The following NPAS3 variants were observed in gnomAD, a reference collection of about 807,000 sequenced individuals.
NPAS3 encodes the protein neuronal PAS domain protein 3, also known as neuronal PAS domain-containing protein 3.
Under a neutral mutation model 73.1 loss-of-function variants are expected in NPAS3, and 14 were observed. That is an observed-to-expected ratio of 0.19 (90% CI 0.13 to 0.30). The LOEUF (loss-of-function observed/expected upper bound fraction) is 0.30. Among genes scored for constraint, NPAS3 ranks in the 10% least tolerant of loss-of-function variants. The probability of loss-of-function intolerance (pLI) is 1.00; values close to 1 mark genes in which losing one functional copy is unlikely to be tolerated. For missense variants in NPAS3, 1,096 were observed against 1,250.0 expected (o/e 0.88, Z 1.86); for synonymous variants, 620 against 541.5 (o/e 1.14, Z -2.01).
chr14:33,648,728 G>GATGT (rs2058905983), intron 5 of NPAS3, among the ~76,000 whole-genome samples: 1 of 152,160 alleles, frequency 6.6e-6, no homozygotes, highest in Non-Finnish European at 1.5e-5. Context: ...CCCTGGGTAT[G>GATGT]GGAAGACAGC....
chr14:33,274,752 A>C (rs2041250865), intron 3 of NPAS3, among the ~76,000 whole-genome samples: 2 of 152,178 alleles, frequency 1.3e-5, no homozygotes. Context: ...TTTAGAGTTT[A>C]GGCAGGCTCT....
At chr14:33,430,653 A>T (rs557943100) in intron 4 of NPAS3, among the ~76,000 whole-genome samples, 2 of 152,342 alleles carry the variant, frequency 1.3e-5, no homozygotes, top group African/African-American at 4.8e-5. Flanking sequence ...CAGGCAACAG[A>T]ACTGGCATCA....
At chr14:33,334,814 T>C (rs1251500522) in intron 3 of NPAS3, among the ~76,000 whole-genome samples, 1 of 152,176 alleles carries the variant, frequency 6.6e-6, no homozygotes, top group Non-Finnish European at 1.5e-5. Context: ...AGTGTAGTAT[T>C]TTATCCCTCG....
chr14:33,777,766 G>A (rs1420742379), intron 8 of NPAS3, among the ~76,000 whole-genome samples: 1 of 152,132 alleles, frequency 6.6e-6, no homozygotes, highest in African/African-American at 2.4e-5. Flanking sequence ...ATCGACGTCT[G>A]GACAGTCAGT....
chr14:33,224,786 A>C (rs7158134), intron 3 of NPAS3, among the ~76,000 whole-genome samples: 19,912 of 152,152 alleles, frequency 0.13, 1,574 homozygotes, highest in East Asian at 0.3. Flanking sequence ...ACATTTTATC[A>C]TGTTATGATT....
In NPAS3 at chr14:32,978,348, A is replaced by C. The variant is rs562062072; in HGVS notation, c.50+38982A>C. Among the ~76,000 whole-genome samples the C allele has an allele frequency of 1.5e-3, 229 of 152,316 alleles. 1 individual carries two copies. The highest frequency in any genetic ancestry group is 5.4e-3 in the South Asian group (26 of 4,828). ...CCTACCCCAAAGGAGAAGCCCAAAC[A>C]CAACTGGGAGAAGGGCCATCCACAT... On this transcript the variant is annotated intron_variant, in intron 1 of 11. Coordinates refer to ENST00000356141, the Ensembl canonical transcript of NPAS3.
chr14:33,598,738 A>G (rs17101601), intron 5 of NPAS3, among the ~76,000 whole-genome samples: 3,023 of 152,280 alleles, frequency 0.02, 109 homozygotes, highest in African/African-American at 0.07. Context: ...TGATGACTTC[A>G]CAGATTACAT....
rs373160885 is a variant in NPAS3, at chr14:33,193,328, A to G, written c.141-21854A>G. Among the ~76,000 whole-genome samples the G allele has an allele frequency of 2.8e-4, 43 of 152,168 alleles. No individual in the cohort carries two copies. The East Asian group carries it at 3.7e-3, about 13-fold the overall frequency. ...AGTCAAGAATGCTTTCTGAGTGCCC[A>G]CTTCGGGAAATCCCAGCCATAGGGG... On this transcript the variant is annotated intron_variant, in intron 2 of 11. Transcript: ENST00000356141.
At chr14:33,436,834 A>G (rs1159848383) in intron 4 of NPAS3, among the ~76,000 whole-genome samples, 2 of 152,238 alleles carry the variant, frequency 1.3e-5, no homozygotes, top group African/African-American at 4.8e-5. Flanking sequence ...GCAACTAGTT[A>G]GAAATCTGAG....
At chr14:33,497,155 C>G (rs1029788265) in intron 4 of NPAS3, among the ~76,000 whole-genome samples, 1 of 152,084 alleles carries the variant, frequency 6.6e-6, no homozygotes, top group Admixed American at 6.6e-5. Context: ...TGTGAAGGAC[C>G]TCTTCAAGGA....
chr14:33,227,573 T>A (rs2047682073), intron 3 of NPAS3, among the ~76,000 whole-genome samples: 1 of 152,148 alleles, frequency 6.6e-6, no homozygotes, highest in African/African-American at 2.4e-5. Context: ...CACATAGCCA[T>A]TTTCTTGTCA....
intron 2 of NPAS3, among the ~76,000 whole-genome samples, chr14:33,073,891 T>C (rs771887069): frequency 6.6e-6 from 1 of 152,208 alleles, no homozygotes; most frequent in Non-Finnish European, 1.5e-5. Context: ...ACTATATAAA[T>C]TTTTTATCTG....
chr14:33,605,655 T>C (rs2057536497), intron 5 of NPAS3, among the ~76,000 whole-genome samples: 1 of 152,100 alleles, frequency 6.6e-6, no homozygotes, highest in African/African-American at 2.4e-5. Context: ...CTTCAACACT[T>C]AAGGACAAAT....
At position 33,122,376 on chromosome 14, in the gene NPAS3, T is replaced by C. The variant is rs573385879; in HGVS notation, c.140+66382T>C. Among the ~76,000 whole-genome samples the C allele has an allele frequency of 4.4e-4, 67 of 152,294 alleles. 1 individual carries two copies. The highest frequency in any genetic ancestry group is 3.2e-4 in the Non-Finnish European group (22 of 68,022). On this transcript the variant is annotated intron_variant, in intron 2 of 11. Coordinates refer to ENST00000356141, the Ensembl canonical transcript of NPAS3. The stretch of plus-strand genomic sequence containing the variant: ...AAGAGGGAAACTTTAGATGGACTTA[T>C]CAAATCTAATTTGAATAACTAGCAA...
intron 1 of NPAS3, among the ~76,000 whole-genome samples, chr14:33,022,053 A>G (rs576008461): frequency 6.6e-6 from 1 of 152,300 alleles, no homozygotes; most frequent in East Asian, 1.9e-4. Flanking sequence ...CAAACCCTGT[A>G]CTTTTCCCAC....
intron 1 of NPAS3, among the ~76,000 whole-genome samples, chr14:33,051,149 CT>C (rs1236628302): frequency 4.6e-5 from 7 of 151,446 alleles, no homozygotes; most frequent in Non-Finnish European, 1.0e-4. Context: ...TGGCGGGCGC[CT>C]GTAGTCCCAG....
chr14:33,375,316 C>T (rs936631026), intron 4 of NPAS3, among the ~76,000 whole-genome samples: 3 of 152,226 alleles, frequency 2.0e-5, no homozygotes, highest in East Asian at 1.9e-4. Flanking sequence ...CTGCTTGCCT[C>T]TACAGGGATT....
chr14:33,069,820 C>G (rs1159696232), intron 2 of NPAS3, among the ~76,000 whole-genome samples: 2 of 152,132 alleles, frequency 1.3e-5, no homozygotes, highest in African/African-American at 2.4e-5. Context: ...CTGTAACTAC[C>G]CATGTTCAAA....
At chr14:33,062,253 A>G (rs1211237273) in intron 2 of NPAS3, among the ~76,000 whole-genome samples, 1 of 152,106 alleles carries the variant, frequency 6.6e-6, no homozygotes, top group East Asian at 1.9e-4. Context: ...TTGCTTTGCA[A>G]GAAGGAATGT....
Sources: allele counts gnomAD v4.1 joint callset (sites outside exome capture counted in the v4.1 genomes callset), GRCh38; gene constraint gnomAD v4.1.1; transcripts MANE v1.5; gene names NCBI Gene and HGNC (gene_info 2026-07-23, HGNC 2026-07-21).